Variants in TRPM1 observed in about 807,000 individuals in gnomAD.
TRPM1 encodes the protein transient receptor potential cation channel subfamily M member 1.
Under a neutral mutation model 149.4 loss-of-function variants are expected in TRPM1, and 113 were observed. The ratio of observed to expected loss-of-function variants is 0.76; its 90% CI spans 0.65 to 0.88. TRPM1 has a LOEUF of 0.88. TRPM1 is among the 40% of genes least tolerant of loss of function. The probability of loss-of-function intolerance (pLI) is 0.00; values close to 1 mark genes in which losing one functional copy is unlikely to be tolerated. For synonymous variants in TRPM1, 741 were observed against 759.5 expected, an observed-to-expected ratio of 0.98 and a Z score of 0.40; for missense variants, 1,976 against 2,038.7, an observed-to-expected ratio of 0.97 and a Z score of 0.59.
intron 2 of TRPM1, among the ~76,000 whole-genome samples, chr15:31,077,602 G>C (rs945341765): frequency 6.6e-6 from 1 of 152,146 alleles, no homozygotes; most frequent in African/African-American, 2.4e-5. Context: ...GGAGGTGCAG[G>C]CAGGCTGTGG....
intron 11 of TRPM1, among the ~76,000 whole-genome samples, chr15:31,053,677 G>A (rs2034009085): frequency 6.6e-6 from 1 of 152,190 alleles, no homozygotes; most frequent in South Asian, 2.1e-4. Flanking sequence ...TGCTGTGGGA[G>A]GAGTTTGGTG....
rs200861078 is a variant in TRPM1 at position 31,002,510 on chromosome 15, T to C, written c.4190A>G (p.Glu1397Gly). Residue 1397 changes from glutamate to glycine, a missense_variant, in exon 28 of 28, where the codon GAA (glutamate) becomes GGA (glycine). Glu to Gly is a moderately conservative substitution (Grantham distance 98). Transcript: ENST00000256552. The stretch of plus-strand genomic sequence containing the variant: ...TTTATTTAAACTTGGGGAAATAGTT[T>C]CTTCTTTTTTAGAGTCTGTCTGTCT... Reference protein sequence around the residue: ...DERQTDSKKEETISPSLNKTD... With the variant: ...DERQTDSKKEGTISPSLNKTD... 16 of 1,614,216 alleles carry C rather than the reference T, an allele frequency of 9.9e-6. No homozygotes were observed.
intron 11 of TRPM1, among the ~76,000 whole-genome samples, chr15:31,059,270 G>T (rs139412541): frequency 4.1e-4 from 62 of 152,258 alleles, no homozygotes; most frequent in African/African-American, 1.4e-3. Flanking sequence ...ACTTCCAGGA[G>T]ACCTAAACAC....
rs370076000 is a variant in TRPM1 at position 31,002,700 on chromosome 15, C to T, written c.4000G>A (p.Val1334Met). The change falls in exon 28 of 28, where the codon GTG (valine) becomes ATG (methionine). Residue 1334 changes from valine (V) to methionine (M), a missense_variant. Physicochemically the swap from Val to Met is conservative, Grantham distance 21. Around this residue, in one of 3 missense-constraint regions of TRPM1, gnomAD observed 572 missense variants for 578.9 expected, o/e 0.99. Transcript: ENST00000256552. ...CSFRIKEEKDVKTHLVPECQN... is the reference protein window; with the variant it reads ...CSFRIKEEKDMKTHLVPECQN... ...CATTCTGGGACTAGGTGCGTTTTCACGTCCTTCTCTTCCTTTATACGGAAG... is the reference window on the plus strand; with the variant it reads ...CATTCTGGGACTAGGTGCGTTTTCATGTCCTTCTCTTCCTTTATACGGAAG... The T allele has an allele frequency of 3.4e-5, 55 of 1,614,072 alleles. No individual in the cohort carries two copies. In the East Asian group the frequency reaches 5.8e-4, roughly 17 times the overall value.
chr15:31,153,613 C>T (rs1034253664), intron 1 of TRPM1, among the ~76,000 whole-genome samples: 6 of 152,170 alleles, frequency 3.9e-5, no homozygotes, highest in Admixed American at 3.3e-4. Flanking sequence ...TGTGAGCCAC[C>T]GTGTCTGGCC....
intron 2 of TRPM1, among the ~76,000 whole-genome samples, chr15:31,079,111 T>C (rs941937036): frequency 5.9e-5 from 9 of 152,206 alleles, no homozygotes; most frequent in Admixed American, 3.9e-4. Context: ...GTTTGTAATA[T>C]ATAGAGACAG....
rs138796076 is a variant in TRPM1, at chr15:31,155,236, C to T, written c.54+5670G>A. On this transcript the variant is annotated intron_variant, in intron 1 of 26. Transcript: ENST00000542188. The stretch of plus-strand genomic sequence containing the variant: ...GGAGCCAAGCGTGGTCCTAGTGCTT[C>T]GGGCCCAGGGAGAGGTGAGAGCTGC... Among the ~76,000 whole-genome samples the T allele has an allele frequency of 1.2e-3, 187 of 152,304 alleles. 1 individual carries two copies. Among genetic ancestry groups the T allele is most frequent in the Middle Eastern group, 0.01 (3 of 294 alleles).
chr15:31,044,530 T>C (rs1014546651), intron 16 of TRPM1, among the ~76,000 whole-genome samples: 17 of 152,134 alleles, frequency 1.1e-4, no homozygotes, highest in African/African-American at 3.6e-4. Context: ...TCCAGCACTT[T>C]GGGAGGCCAA....
At chr15:31,122,042 G>A (rs543533679) in intron 1 of TRPM1, among the ~76,000 whole-genome samples, 2 of 152,026 alleles carry the variant, frequency 1.3e-5, no homozygotes, top group South Asian at 2.1e-4. Context: ...TCTAAAAATC[G>A]ATCATTGTAA....
chr15:31,034,216 G>T (rs76802144), intron 21 of TRPM1, among the ~76,000 whole-genome samples: 2,006 of 152,322 alleles, frequency 0.013, 43 homozygotes, highest in African/African-American at 0.046. Flanking sequence ...TTCCTCTGCT[G>T]TCTGCAGAGA....
At chr15:31,078,101 C>T (rs893278459) in intron 2 of TRPM1, among the ~76,000 whole-genome samples, 19 of 152,122 alleles carry the variant, frequency 1.2e-4, no homozygotes, top group African/African-American at 4.3e-4. Flanking sequence ...GCCTTGTGTC[C>T]TTGGCCACTT....
intron 13 of TRPM1, 96 bp downstream of exon 13, chr15:31,049,279 G>A: frequency 6.4e-7 from 1 of 1,571,488 alleles, no homozygotes; most frequent in East Asian, 2.2e-5. Context: ...CCAGCTGAAG[G>A]AGGTCAGATG....
intron 22 of TRPM1, 167 bp from the exon 23 acceptor site, chr15:31,031,324 TC>T: frequency 1.4e-6 from 1 of 694,150 alleles, no homozygotes; most frequent in South Asian, 1.7e-5. Flanking sequence ...TTTTTCCTAC[TC>T]CATGCAATGC....
chr15:31,064,943 A>G, intron 7 of TRPM1: 1 of 457,984 alleles, frequency 2.2e-6, no homozygotes, highest in East Asian at 5.7e-5. Flanking sequence ...TGATATTTTC[A>G]ATCTTTAGGA....
chr15:31,021,480 G>A (rs1317196094), intron 27 of TRPM1, among the ~76,000 whole-genome samples: 1 of 152,174 alleles, frequency 6.6e-6, no homozygotes, highest in African/African-American at 2.4e-5. Flanking sequence ...AGGACCGCTT[G>A]AGGCCAGGAG....
intron 3 of TRPM1, among the ~76,000 whole-genome samples, chr15:31,073,723 C>T (rs2034619730): frequency 6.6e-6 from 1 of 151,986 alleles, no homozygotes; most frequent in African/African-American, 2.4e-5. Context: ...ATTGCTTTGG[C>T]CTGTACTTCC....
rs143459863 is a variant in TRPM1 at position 31,088,396 on chromosome 15, C to A, written c.-83-6958G>T. Among the ~76,000 whole-genome samples, 123 of 152,298 alleles carry A rather than the reference C, an allele frequency of 8.1e-4. 1 individual carries two copies. The highest frequency in any genetic ancestry group is 2.7e-3 in the African/African-American group (113 of 41,562). On this transcript the variant is annotated intron_variant, in intron 1 of 27. Transcript: ENST00000256552. ...CCCTTGGCAATAAATGTTATTGCTG[C>A]AAGCAGAAAGTGTCTGGGTTGGCAC... is the stretch of plus-strand genomic sequence containing the variant.
At position 31,047,871 on chromosome 15, in the gene TRPM1, G is replaced by A. The variant is rs1256056139; in HGVS notation, c.1623+18C>T. On this transcript the variant is annotated intron_variant, in intron 14 of 27. Coordinates refer to ENST00000256552, the MANE Select transcript of TRPM1 (RefSeq NM_001252024.2). ...TGAAAGATGCCAACAGGTAAGAATT[G>A]TAAAACAGTAGACTGACCTTTTTCA... The A allele has an allele frequency of 6.2e-7, 1 of 1,605,810 alleles. No homozygotes were observed. Among genetic ancestry groups the A allele is most frequent in the Admixed American group, 1.7e-5 (1 of 60,022 alleles).
In TRPM1 at chr15:31,002,899, T is replaced by A; in HGVS notation, c.3801A>T (p.Ala1267=). The A allele has an allele frequency of 1.2e-6, 2 of 1,613,784 alleles. No individual in the cohort carries two copies. The part of the protein sequence containing the change: ...AGIDRSDLIQ[A]RSRASSECEA... ...CACATTCAGAAGAAGCCCGGGACCGTGCCTGGATCAGGTCAGACCTGTCGA... is the reference window on the plus strand; with the variant it reads ...CACATTCAGAAGAAGCCCGGGACCGAGCCTGGATCAGGTCAGACCTGTCGA... The change falls in exon 28 of 28, where the codon GCA becomes GCT. Residue 1267 remains alanine, a synonymous_variant. Transcript: ENST00000256552.
Sources: gnomAD v4.1 joint callset for allele counts (sites outside exome capture counted in the v4.1 genomes callset) on GRCh38, gnomAD v4.1.1 for gene constraint, gnomAD v4.1.1 regional missense constraint, MANE v1.5 for transcripts, NCBI Gene and HGNC (gene_info 2026-07-23, HGNC 2026-07-21) for gene names.